ST6GAL1: variants seen among roughly 807,000 people sequenced by gnomAD.
The protein encoded by ST6GAL1 is ST6 beta-galactoside alpha-2,6-sialyltransferase 1.
A neutral mutation model predicts 38.0 loss-of-function variants in ST6GAL1; 20 were observed. The ratio of observed to expected loss-of-function variants is 0.53; its 90% confidence interval spans 0.37 to 0.77. The LOEUF (loss-of-function observed/expected upper bound fraction) is 0.77, where lower values mean the gene tolerates loss of function less well. Ranked by LOEUF, ST6GAL1 falls within the 30% of genes least tolerant of loss-of-function variation. ST6GAL1 has a pLI of 0.00. For missense variants in ST6GAL1, 432 were observed against 496.4 expected, an observed-to-expected ratio of 0.87 and a Z score of 1.23; for synonymous variants, 196 against 188.2, an observed-to-expected ratio of 1.04 and a Z score of -0.34.
At chr3:186,984,153 C>G (rs1414799631) in intron 2 of ST6GAL1, among the ~76,000 whole-genome samples, 7 of 152,202 alleles carry the variant, frequency 4.6e-5, no homozygotes, top group Admixed American at 4.6e-4. Context: ...CTCTCTCACA[C>G]TCACATCTAA....
chr3:186,934,916 G>A (rs942564977), intron 1 of ST6GAL1, among the ~76,000 whole-genome samples: 15 of 151,870 alleles, frequency 9.9e-5, no homozygotes, highest in East Asian at 1.9e-4. Flanking sequence ...ACAGGTGCCC[G>A]CCACCACGCC....
At chr3:186,997,488 C>T (rs995691128) in intron 2 of ST6GAL1, among the ~76,000 whole-genome samples, 38 of 152,164 alleles carry the variant, frequency 2.5e-4, no homozygotes, top group African/African-American at 8.2e-4. Flanking sequence ...ATGCTGGCCA[C>T]GGTGGCTCAT....
Position 186,952,660 on chromosome 3 carries a change from G to A in ST6GAL1, c.-324-11125G>A, listed in dbSNP as rs1714622255. ...GTCACTGTGGAGTGCCTCTGGGAGT[G>A]GCCCTTGGACTTGGCCTCTTCTCTG... is the stretch of plus-strand genomic sequence containing the variant. On this transcript the variant is annotated intron_variant, in intron 1 of 7. Coordinates refer to ENST00000169298, the MANE Select transcript of ST6GAL1 (RefSeq NM_173216.2). The surrounding 1 kb of genome is among the most constrained non-coding windows in gnomAD (Gnocchi z 4.1). 1.3e-5 allele frequency among the ~76,000 whole-genome samples: 2 copies of A among 152,186 alleles called. No individual in the cohort carries two copies. Among genetic ancestry groups the A allele is most frequent in the South Asian group, 4.2e-4 (2 of 4,808 alleles).
intron 1 of ST6GAL1, among the ~76,000 whole-genome samples, chr3:186,945,170 T>A (rs1714312802): frequency 1.3e-5 from 2 of 152,142 alleles, no homozygotes; most frequent in South Asian, 4.2e-4. Flanking sequence ...CAGCTGGGTG[T>A]GGTAGTGCAT....
At chr3:186,955,506 T>C (rs1377171558) in intron 1 of ST6GAL1, among the ~76,000 whole-genome samples, 1 of 152,022 alleles carries the variant, frequency 6.6e-6, no homozygotes, top group African/African-American at 2.4e-5. Flanking sequence ...TCTCTTTTTT[T>C]TTTCTTTTCT....
At chr3:186,954,296 G>A (rs113940688) in intron 1 of ST6GAL1, among the ~76,000 whole-genome samples, 87 of 152,232 alleles carry the variant, frequency 5.7e-4, no homozygotes, top group Middle Eastern at 3.4e-3. Context: ...GAACATATGC[G>A]TGCATGTATC....
rs749717895 is a variant in ST6GAL1, at chr3:187,075,593, G to C, written c.1011G>C (p.Gln337His). ...GIIIMMTLCDQVDIYEFLPSK... is the reference protein window; with the variant it reads ...GIIIMMTLCDHVDIYEFLPSK... The stretch of plus-strand genomic sequence containing the variant: ...TCATCATGATGACGCTGTGTGACCA[G>C]GTGGATATTTATGAGTTCCTCCCAT... The change falls in exon 8 of 8, where the codon CAG becomes CAC. Residue 337 changes from glutamine to histidine, a missense_variant. Gln to His is a conservative substitution (Grantham distance 24). Transcript: ENST00000169298. The surrounding 1 kb of genome is among the most constrained non-coding windows in gnomAD (Gnocchi z 4.1). 1.7e-5 allele frequency: 27 copies of C among 1,614,204 alleles called. No individual in the cohort carries two copies. The highest frequency in any genetic ancestry group is 2.1e-5 in the Non-Finnish European group (25 of 1,180,036).
chr3:186,968,437 G>A (rs4686821), intron 2 of ST6GAL1, among the ~76,000 whole-genome samples: 134,174 of 152,124 alleles, frequency 0.88, 59,373 homozygotes, highest in East Asian at 0.93. Context: ...ATATGTATAC[G>A]GTCATGAAAC....
At chr3:186,992,613 G>T (rs867157604) in intron 2 of ST6GAL1, among the ~76,000 whole-genome samples, 1 of 152,136 alleles carries the variant, frequency 6.6e-6, no homozygotes, top group Non-Finnish European at 1.5e-5. Context: ...GGCCAACATG[G>T]TGAAACCCCG....
At chr3:186,991,732 C>T (rs1716175100) in intron 2 of ST6GAL1, among the ~76,000 whole-genome samples, 1 of 152,168 alleles carries the variant, frequency 6.6e-6, no homozygotes, top group South Asian at 2.1e-4. Flanking sequence ...GGGGTGATCC[C>T]TATTCACCTT....
intron 2 of ST6GAL1, among the ~76,000 whole-genome samples, chr3:186,970,740 C>G (rs903214695): frequency 6.6e-6 from 1 of 152,062 alleles, no homozygotes; most frequent in Non-Finnish European, 1.5e-5. Context: ...ATAGTTTGCT[C>G]TTTTTGTTAA....
At chr3:187,013,855 G>A (rs1187931188) in intron 2 of ST6GAL1, among the ~76,000 whole-genome samples, 2 of 152,188 alleles carry the variant, frequency 1.3e-5, no homozygotes, top group African/African-American at 4.8e-5. Flanking sequence ...AACGTGCTGG[G>A]ATTACAGGCA....
intron 1 of ST6GAL1, among the ~76,000 whole-genome samples, chr3:186,939,068 C>CT (rs59211382): frequency 0.48 from 65,480 of 135,444 alleles, 16,299 homozygotes; most frequent in African/African-American, 0.61. Context: ...AACCTGGGAC[C>CT]TTTTTTTTTT....
At chr3:186,931,813 G>A (rs189832835) in intron 1 of ST6GAL1, among the ~76,000 whole-genome samples, 67 of 152,342 alleles carry the variant, frequency 4.4e-4, no homozygotes, top group Non-Finnish European at 7.5e-4. Flanking sequence ...AAGGCCAGCC[G>A]AGACCTCGTA....
Position 186,970,519 on chromosome 3 carries a change from G to A in ST6GAL1, c.-183+6593G>A, listed in dbSNP as rs572033259. The stretch of plus-strand genomic sequence containing the variant: ...ATTATAGATGTGAGCCACTGCGCCC[G>A]GTGGATACAGAACTATTTTATCATC... On this transcript the variant is annotated intron_variant, in intron 2 of 7. Transcript: ENST00000169298. Among the ~76,000 whole-genome samples, 71 of 151,926 alleles carry A rather than the reference G, an allele frequency of 4.7e-4. 1 individual carries two copies. The highest frequency in any genetic ancestry group is 9.1e-4 in the Non-Finnish European group (62 of 67,960).
At chr3:186,969,640 G>A (rs1302579240) in intron 2 of ST6GAL1, among the ~76,000 whole-genome samples, 1 of 152,202 alleles carries the variant, frequency 6.6e-6, no homozygotes, top group Non-Finnish European at 1.5e-5. Context: ...GACAGGAGAT[G>A]GAAGCAAGTA....
chr3:187,074,886 G>A (rs1262462712), intron 7 of ST6GAL1, among the ~76,000 whole-genome samples: 1 of 152,148 alleles, frequency 6.6e-6, no homozygotes, highest in Non-Finnish European at 1.5e-5. Context: ...CACAATTAAT[G>A]TAAAAATTAT....
chr3:186,931,165 G>C (rs192280699), intron 1 of ST6GAL1: 2 of 152,362 alleles, frequency 1.3e-5, no homozygotes, highest in Non-Finnish European at 2.9e-5. Flanking sequence ...GTGGCGTGGG[G>C]GCATTGCGCC....
intron 2 of ST6GAL1, among the ~76,000 whole-genome samples, chr3:187,024,441 T>C (rs1717446209): frequency 6.7e-6 from 1 of 148,218 alleles, no homozygotes; most frequent in African/African-American, 2.5e-5. Context: ...TCTATATATA[T>C]ATACACACAC....
Sources: gnomAD v4.1 joint callset for allele counts (sites outside exome capture counted in the v4.1 genomes callset) on GRCh38, gnomAD v4.1.1 for gene constraint, Gnocchi (gnomAD v3.1) non-coding constraint, MANE v1.5 for transcripts, NCBI Gene and HGNC (gene_info 2026-07-23, HGNC 2026-07-21) for gene names.